The following HIVEP2 variants were observed in gnomAD, a reference collection of about 807,000 sequenced individuals.
HIVEP2 encodes the protein transcription factor HIVEP2.
A neutral mutation model predicts 180.7 loss-of-function variants in HIVEP2; 14 were observed. The ratio of observed to expected loss-of-function variants is 0.08; its 90% CI spans 0.05 to 0.12. HIVEP2 has a LOEUF of 0.12. Ranked by LOEUF, HIVEP2 falls within the 10% of genes least tolerant of loss-of-function variation. HIVEP2 has a pLI of 1.00. For missense variants in HIVEP2, 2,579 were observed against 3,008.5 expected (o/e 0.86, Z 3.34); for synonymous variants, 1,184 against 1,136.4 (o/e 1.04, Z -0.84).
At chr6:142,797,983 T>C (rs1160615303) in intron 2 of HIVEP2, among the ~76,000 whole-genome samples, 2 of 152,130 alleles carry the variant, frequency 1.3e-5, no homozygotes, top group Non-Finnish European at 2.9e-5. Context: ...ATATTATAAA[T>C]AATTCTGACT....
intron 1 of HIVEP2, among the ~76,000 whole-genome samples, chr6:142,860,442 C>T (rs1289814114): frequency 6.6e-6 from 1 of 152,112 alleles, no homozygotes; most frequent in African/African-American, 2.4e-5. Flanking sequence ...AAGTGCACTG[C>T]ATGTATTGTA....
intron 1 of HIVEP2, among the ~76,000 whole-genome samples, chr6:142,858,283 C>T (rs1775879136): frequency 6.6e-6 from 1 of 151,772 alleles, no homozygotes; most frequent in South Asian, 2.1e-4. Context: ...GGTGCCTGAC[C>T]CCCTCACTTC....
chr6:142,891,536 G>T (rs994328311), intron 1 of HIVEP2, among the ~76,000 whole-genome samples: 1 of 152,016 alleles, frequency 6.6e-6, no homozygotes, highest in African/African-American at 2.4e-5. Flanking sequence ...AAGGAAACTG[G>T]GTTTTGGAAA....
Position 142,753,154 on chromosome 6 carries a change from T to C in HIVEP2, c.7294A>G (p.Thr2432Ala). The C allele has an allele frequency of 6.2e-7, 1 of 1,613,358 alleles. No homozygotes were observed. The highest frequency in any genetic ancestry group is 8.5e-7 in the Non-Finnish European group (1 of 1,179,232). The change falls in exon 10 of 10, where the codon ACA becomes GCA. Residue 2432 changes from threonine (T) to alanine (A), a missense_variant. This residue lies in a region of HIVEP2 where 660 missense variants were observed against 731.7 expected (regional missense o/e 0.90). Transcript: ENST00000367603. Reference sequence around the variant, plus strand: ...GATGAAGGATCTTTGCTTTCCTCTGTGCTTGAAGATAATTCCTTGCTGCTG... The same window carrying C: ...GATGAAGGATCTTTGCTTTCCTCTGCGCTTGAAGATAATTCCTTGCTGCTG... ...FHSSKELSSS[T>A]EESKDPSSEK...
At position 142,802,124 on chromosome 6, in the gene HIVEP2, G is replaced by C. The variant is rs143958705; in HGVS notation, c.-527-18509C>G. Among the ~76,000 whole-genome samples the C allele has an allele frequency of 4.2e-3, 641 of 152,264 alleles. 3 individuals carry two copies. Among genetic ancestry groups the C allele is most frequent in the African/African-American group, 0.015 (618 of 41,548 alleles). On this transcript the variant is annotated intron_variant, in intron 2 of 9. Coordinates refer to ENST00000367603, the MANE Select transcript of HIVEP2 (RefSeq NM_006734.4). Reference sequence around the variant, plus strand: ...AATAGCAATCTAAAATGTGTGTTCTGATAGATGGGTGGCTCCATACTGGGA... The same window carrying C: ...AATAGCAATCTAAAATGTGTGTTCTCATAGATGGGTGGCTCCATACTGGGA...
intron 1 of HIVEP2, among the ~76,000 whole-genome samples, chr6:142,873,487 G>T (rs193159857): frequency 4.6e-5 from 7 of 152,120 alleles, no homozygotes; most frequent in Non-Finnish European, 1.0e-4. Context: ...TTACATATAC[G>T]AAGTGTCTTT....
intron 2 of HIVEP2, among the ~76,000 whole-genome samples, chr6:142,831,955 G>T (rs1775096408): frequency 6.6e-6 from 1 of 152,062 alleles, no homozygotes; most frequent in Non-Finnish European, 1.5e-5. Context: ...ATTTTGGGAG[G>T]CCAAGGTGGG....
chr6:142,900,841 T>C (rs1731882183), intron 1 of HIVEP2, among the ~76,000 whole-genome samples: 1 of 152,160 alleles, frequency 6.6e-6, no homozygotes, highest in African/African-American at 2.4e-5. Flanking sequence ...GTTGAGGTTT[T>C]TCCCCCCAAA....
chr6:142,815,866 T>G (rs1776820819), intron 2 of HIVEP2, among the ~76,000 whole-genome samples: 1 of 152,246 alleles, frequency 6.6e-6, no homozygotes, highest in Non-Finnish European at 1.5e-5. Context: ...ATAATTCCCT[T>G]CTTTTGTGCC....
intron 1 of HIVEP2, among the ~76,000 whole-genome samples, chr6:142,905,068 T>C (rs1395453341): frequency 6.6e-6 from 1 of 152,190 alleles, no homozygotes; most frequent in Non-Finnish European, 1.5e-5. Flanking sequence ...ATTTTGGATA[T>C]TACAATTTAT....
chr6:142,925,988 G>C (rs996523466), intron 1 of HIVEP2, among the ~76,000 whole-genome samples: 1 of 152,120 alleles, frequency 6.6e-6, no homozygotes, highest in Non-Finnish European at 1.5e-5. Context: ...TCACAATCAC[G>C]ACTGCTCAGC....
chr6:142,789,400 C>A (rs1022798397), intron 2 of HIVEP2, among the ~76,000 whole-genome samples: 1 of 152,112 alleles, frequency 6.6e-6, no homozygotes, highest in Non-Finnish European at 1.5e-5. Flanking sequence ...TTTTCTTGAC[C>A]CAATTTGACA....
chr6:142,891,852 T>A (rs1776868684), intron 1 of HIVEP2, among the ~76,000 whole-genome samples: 2 of 152,246 alleles, frequency 1.3e-5, no homozygotes, highest in Non-Finnish European at 2.9e-5. Flanking sequence ...CTTAACAATA[T>A]CTGTTTCTCC....
intron 1 of HIVEP2, among the ~76,000 whole-genome samples, chr6:142,932,782 A>G (rs1407794668): frequency 6.6e-6 from 1 of 152,228 alleles, no homozygotes; most frequent in Admixed American, 6.5e-5. Context: ...TCTGAATGCA[A>G]GCAGTCCTTG....
intron 1 of HIVEP2, among the ~76,000 whole-genome samples, chr6:142,857,996 C>T (rs560853036): frequency 5.6e-4 from 85 of 152,164 alleles, no homozygotes; most frequent in African/African-American, 2.0e-3. Context: ...GCATGGTCCC[C>T]GGCAGGGATG....
At chr6:142,769,488 C>T in intron 5 of HIVEP2, 64 bp downstream of exon 5, 2 of 1,391,120 alleles carry the variant, frequency 1.4e-6, no homozygotes, top group Non-Finnish European at 2.0e-6. Context: ...ATATCCTTCA[C>T]TATGTAGTCT....
At chr6:142,817,461 G>A (rs549139433) in intron 2 of HIVEP2, among the ~76,000 whole-genome samples, 54 of 152,200 alleles carry the variant, frequency 3.5e-4, no homozygotes, top group Middle Eastern at 3.4e-3. Context: ...AATAAGCATT[G>A]GACTATTATT....
chr6:142,907,218 T>C (rs1300359655), intron 1 of HIVEP2, among the ~76,000 whole-genome samples: 1 of 152,224 alleles, frequency 6.6e-6, no homozygotes, highest in African/African-American at 2.4e-5. Flanking sequence ...CTTGTGATTG[T>C]ACTACATCCA....
intron 1 of HIVEP2, among the ~76,000 whole-genome samples, chr6:142,870,583 C>T (rs939855129): frequency 7.9e-5 from 12 of 152,214 alleles, no homozygotes; most frequent in African/African-American, 2.4e-4. Flanking sequence ...CTGAGAGATG[C>T]GAATGATACA....
Sources: gnomAD v4.1 joint callset for allele counts (sites outside exome capture counted in the v4.1 genomes callset) on GRCh38, gnomAD v4.1.1 for gene constraint, gnomAD v4.1.1 regional missense constraint, MANE v1.5 for transcripts, NCBI Gene and HGNC (gene_info 2026-07-23, HGNC 2026-07-21) for gene names.